Variants in SSR3 observed in about 807,000 individuals in gnomAD.
The protein encoded by SSR3 is signal sequence receptor subunit 3, also known as translocon-associated protein subunit gamma.
In SSR3, 10 loss-of-function variants were observed where a neutral mutation model predicts 22.1. The observed-to-expected ratio is 0.45, with a 90% confidence interval of 0.28 to 0.77. The LOEUF is 0.77. Among genes scored for constraint, SSR3 ranks in the 30% least tolerant of loss-of-function variants. The probability of loss-of-function intolerance (pLI) is 0.13; values close to 1 mark genes in which losing one functional copy is unlikely to be tolerated. For missense variants in SSR3, 181 were observed against 220.5 expected, an observed-to-expected ratio of 0.82 and a Z score of 1.13; for synonymous variants, 104 against 82.5, an observed-to-expected ratio of 1.26 and a Z score of -1.42.
chr3:156,553,122 T>G (rs1720023940), intron 2 of SSR3, among the ~76,000 whole-genome samples: 1 of 151,650 alleles, frequency 6.6e-6, no homozygotes, highest in African/African-American at 2.4e-5. Flanking sequence ...CTGGGCATGG[T>G]AGCCTGCACC....
intron 2 of SSR3, among the ~76,000 whole-genome samples, chr3:156,551,922 G>C (rs370016734): frequency 1.1e-4 from 16 of 152,274 alleles, no homozygotes; most frequent in African/African-American, 3.4e-4. Context: ...GCCTAATTCT[G>C]AAAGATGAGG....
chr3:156,542,578 T>C lies in SSR3; in HGVS notation c.*625A>G, dbSNP rs1367256880. ...CTTTAACCTCGTAGGACAACTCTCA[T>C]ATGCCTGGGCACTATTTTTAGGTTA... On this transcript the variant is annotated 3_prime_UTR_variant, in exon 5 of 5. Coordinates refer to ENST00000265044, the MANE Select transcript of SSR3 (RefSeq NM_007107.5). The C allele has an allele frequency of 6.6e-6, 1 of 152,068 alleles. No homozygotes were observed. Among genetic ancestry groups the C allele is most frequent in the Non-Finnish European group, 1.5e-5 (1 of 68,042 alleles). 9.4% of individuals were successfully genotyped at this position (152,068 alleles called of 1,614,324 possible).
intron 4 of SSR3, among the ~76,000 whole-genome samples, chr3:156,543,660 T>C (rs1432783313): frequency 1.3e-5 from 2 of 152,214 alleles, no homozygotes; most frequent in African/African-American, 2.4e-5. Flanking sequence ...TTGCTGCAGT[T>C]GGCTTGCAAC....
Position 156,544,361 on chromosome 3 carries a change from C to A in SSR3, c.438G>T (p.Leu146=), listed in dbSNP as rs113882873. 1.3e-6 allele frequency: 2 copies of A among 1,598,686 alleles called. No homozygotes were observed. The highest frequency in any genetic ancestry group is 1.7e-6 in the Non-Finnish European group (2 of 1,172,346). The change falls in exon 4 of 5, where the codon CTG becomes CTT. Residue 146 remains leucine, a synonymous_variant. Transcript: ENST00000265044. ...AGAAGGAAGCAACAATGACCACGAC[C>A]AGGAACAGAGTGTTGTTATAGAAGA... ...FSIFYNNTLF[L]VVVIVASFFI... is the part of the protein sequence containing the mutation.
chr3:156,548,672 A>G, intron 3 of SSR3: 1 of 527,842 alleles, frequency 1.9e-6, no homozygotes, highest in Non-Finnish European at 3.3e-6. Context: ...AATAGTACCT[A>G]CTTCACAGGA....
rs917752184 is a variant in SSR3, at chr3:156,539,936, T to C, written c.*3267A>G. Among the ~76,000 whole-genome samples the C allele has an allele frequency of 2.0e-5, 3 of 152,186 alleles. No individual in the cohort carries two copies. The highest frequency in any genetic ancestry group is 4.8e-5 in the African/African-American group (2 of 41,432). ...TACATTTGATTGGTAACTACAAAGA[T>C]GTGCATTTACATGTGTGAGATATTA... On this transcript the variant is annotated 3_prime_UTR_variant, in exon 5 of 5. Coordinates refer to ENST00000265044, the MANE Select transcript of SSR3 (RefSeq NM_007107.5).
At chr3:156,548,767 A>G in intron 3 of SSR3, 138 bp downstream of exon 3, 1 of 1,023,698 alleles carries the variant, frequency 9.8e-7, no homozygotes, top group Non-Finnish European at 1.4e-6. Context: ...AGCTATTACT[A>G]TTTCCATTAC....
Position 156,539,668 on chromosome 3 carries a change from G to T in SSR3, c.*3535C>A, listed in dbSNP as rs1287535462. ...ACCCTCCTAATCTATTAATTCCTCTGCTTGGGAGTCCCAAGGAAGTGAAAG... is the reference window on the plus strand; with the variant it reads ...ACCCTCCTAATCTATTAATTCCTCTTCTTGGGAGTCCCAAGGAAGTGAAAG... On this transcript the variant is annotated 3_prime_UTR_variant, in exon 5 of 5. Transcript: ENST00000265044. 6.6e-6 allele frequency among the ~76,000 whole-genome samples: 1 copy of T among 152,106 alleles called. No individual in the cohort carries two copies. The highest frequency in any genetic ancestry group is 1.5e-5 in the Non-Finnish European group (1 of 68,024).
intron 3 of SSR3, 93 bp from the exon 4 acceptor site, chr3:156,544,532 T>C (rs2108445954): frequency 9.2e-7 from 1 of 1,087,304 alleles, no homozygotes; most frequent in Middle Eastern, 2.2e-4. Flanking sequence ...TAAAACAAGT[T>C]TTTCCTTGAG....
chr3:156,550,546 T>G (rs1281955632), intron 2 of SSR3, among the ~76,000 whole-genome samples: 1 of 152,212 alleles, frequency 6.6e-6, no homozygotes, highest in Admixed American at 6.5e-5. Flanking sequence ...CCTCACTCAG[T>G]GCTGAACACT....
chr3:156,541,923 C>T lies in SSR3; in HGVS notation c.*1280G>A, dbSNP rs1485227560. ...AGCATGGAAGTGGAAGTTAAACTCC[C>T]GATGAATAATTTTTATAAAATTATA... On this transcript the variant is annotated 3_prime_UTR_variant, in exon 5 of 5. Transcript: ENST00000265044. 1 of 151,906 alleles carries T rather than the reference C, an allele frequency of 6.6e-6. No individual in the cohort carries two copies. The highest frequency in any genetic ancestry group is 1.5e-5 in the Non-Finnish European group (1 of 67,986). The allele number at this position is 151,906 out of a possible 1,614,324, so 9.4% of individuals were successfully genotyped here.
intron 2 of SSR3, 116 bp downstream of exon 2, chr3:156,553,539 T>C (rs1016532865): frequency 4.5e-5 from 47 of 1,047,992 alleles, no homozygotes; most frequent in Non-Finnish European, 5.4e-5. Context: ...AAAATGTTTA[T>C]TAATATATAT....
At position 156,540,646 on chromosome 3, in the gene SSR3, TTTA is replaced by T. The variant is rs1719433258; in HGVS notation, c.*2554_*2556del. ...AAAAAAAGAATATCAATCCAAGATTTTTATTAAGTTAAAATGAAGGAACTAAAA... is the reference window on the plus strand; with the variant it reads ...AAAAAAAGAATATCAATCCAAGATTTTTAAGTTAAAATGAAGGAACTAAAA... On this transcript the variant is annotated 3_prime_UTR_variant, in exon 5 of 5. Transcript: ENST00000265044. 1 of 150,578 alleles carries T rather than the reference TTTA, an allele frequency of 6.6e-6. No homozygotes were observed. The highest frequency in any genetic ancestry group is 1.5e-5 in the Non-Finnish European group (1 of 67,760). 9.3% of individuals were successfully genotyped at this position (150,578 alleles called of 1,614,324 possible).
intron 2 of SSR3, 102 bp from the exon 3 acceptor site, chr3:156,549,105 A>C: frequency 8.7e-7 from 1 of 1,145,670 alleles, no homozygotes; most frequent in South Asian, 1.9e-5. Flanking sequence ...CTGGCAACAG[A>C]ATGATATTTC....
At chr3:156,545,952 G>T (rs1444732834) in intron 3 of SSR3, among the ~76,000 whole-genome samples, 1 of 152,184 alleles carries the variant, frequency 6.6e-6, no homozygotes, top group African/African-American at 2.4e-5. Context: ...ATGAGACCCA[G>T]TGAAGTCAGG....
At chr3:156,545,415 T>A (rs771407725) in intron 3 of SSR3, among the ~76,000 whole-genome samples, 1 of 152,208 alleles carries the variant, frequency 6.6e-6, no homozygotes, top group Non-Finnish European at 1.5e-5. Flanking sequence ...TAGGTCATTA[T>A]CAAAAAGGTT....
intron 3 of SSR3, among the ~76,000 whole-genome samples, chr3:156,548,002 AG>A (rs1266066766): frequency 1.4e-4 from 22 of 152,348 alleles, no homozygotes; most frequent in African/African-American, 4.8e-4. Context: ...ATGCATTTTA[AG>A]AAAACCGTAT....
intron 2 of SSR3, among the ~76,000 whole-genome samples, chr3:156,550,843 C>T (rs1719925446): frequency 6.6e-6 from 1 of 152,198 alleles, no homozygotes; most frequent in Non-Finnish European, 1.5e-5. Context: ...AGACTCTATG[C>T]TTAACATGTA....
chr3:156,549,229 TC>T (rs1719867261), intron 2 of SSR3: 1 of 403,468 alleles, frequency 2.5e-6, no homozygotes, highest in East Asian at 3.7e-5. Flanking sequence ...TGTTTTGATT[TC>T]CCCTTAAAAA....
Sources: gnomAD v4.1 joint callset for allele counts (sites outside exome capture counted in the v4.1 genomes callset) on GRCh38, gnomAD v4.1.1 for gene constraint, MANE v1.5 for transcripts, NCBI Gene and HGNC (gene_info 2026-07-23, HGNC 2026-07-21) for gene names.